TAAR2: variants seen among roughly 807,000 people sequenced by gnomAD.
TAAR2 encodes trace amine-associated receptor 2.
In TAAR2, 30 loss-of-function variants were observed where a neutral mutation model predicts 25.5. The observed-to-expected ratio is 1.18, with a 90% CI of 0.88 to 1.60. The LOEUF is 1.60. Ranked by LOEUF, TAAR2 falls within the 40% of genes most tolerant of loss-of-function variation. The probability of loss-of-function intolerance (pLI) is 0.00; values close to 1 mark genes in which losing one functional copy is unlikely to be tolerated. For missense variants in TAAR2, 481 were observed against 416.5 expected, an observed-to-expected ratio of 1.15 and a Z score of -1.35; for synonymous variants, 150 against 142.4, an observed-to-expected ratio of 1.05 and a Z score of -0.38.
At chr6:132,621,476 T>G (rs1179889223) in intron 1 of TAAR2, among the ~76,000 whole-genome samples, 3 of 152,070 alleles carry the variant, frequency 2.0e-5, no homozygotes, top group Non-Finnish European at 4.4e-5. Flanking sequence ...CCACGTGTAC[T>G]CTTGTTAAGC....
In TAAR2 at chr6:132,617,957, G is replaced by T. The variant is rs1777322062; in HGVS notation, c.249C>A (p.Leu83=). 1 of 1,614,034 alleles carries T rather than the reference G, an allele frequency of 6.2e-7. No individual in the cohort carries two copies. Among genetic ancestry groups the T allele is most frequent in the Non-Finnish European group, 8.5e-7 (1 of 1,179,964 alleles). The change falls in exon 2 of 2, where the codon CTC becomes CTA. Residue 83 remains leucine, a synonymous_variant. Coordinates refer to ENST00000367931, the MANE Select transcript of TAAR2 (RefSeq NM_001033080.1). ...GGAGGAAATCAGTGATGGCCATGGA[G>T]AGGATGAGGAAGTTGGTTGGTGTGT... ...QLHTPTNFLI[L]SMAITDFLLG...
At chr6:132,622,565 A>C (rs1185495900) in intron 1 of TAAR2, among the ~76,000 whole-genome samples, 1 of 139,132 alleles carries the variant, frequency 7.2e-6, no homozygotes, top group African/African-American at 2.7e-5. Context: ...GGCTCACTGC[A>C]ACCTCCATTT....
rs1200184978 is a variant in TAAR2 at position 132,617,292 on chromosome 6, T to C, written c.914A>G (p.Tyr305Cys). The stretch of plus-strand genomic sequence containing the variant: ...TAACGGATTACATGTGGAGTTAAAA[T>C]AGCCAAACCATGTCAAGGCATCAAA... The part of the protein sequence containing the change: ...VLFDALTWFG[Y>C]FNSTCNPLIY... The change falls in exon 2 of 2, where the codon TAT becomes TGT. Residue 305 changes from tyrosine to cysteine, a missense_variant. Physicochemically the swap from Tyr to Cys is radical, Grantham distance 194. Coordinates refer to ENST00000367931, the MANE Select transcript of TAAR2 (RefSeq NM_001033080.1). 3 of 1,613,634 alleles carry C rather than the reference T, an allele frequency of 1.9e-6. No individual in the cohort carries two copies. Among genetic ancestry groups the C allele is most frequent in the African/African-American group, 2.7e-5 (2 of 74,902 alleles).
intron 1 of TAAR2, 76 bp from the exon 2 acceptor site, chr6:132,618,221 A>G (rs546680094): frequency 2.2e-6 from 3 of 1,352,488 alleles, no homozygotes; most frequent in African/African-American, 1.5e-5. Context: ...TCATAGAAAA[A>G]CTCAAGAAAG....
Position 132,617,315 on chromosome 6 carries a change from A to G in TAAR2, c.891T>C (p.Phe297=), listed in dbSNP as rs746354069. 6.2e-7 allele frequency: 1 copy of G among 1,613,780 alleles called. No homozygotes were observed. The highest frequency in any genetic ancestry group is 8.5e-7 in the Non-Finnish European group (1 of 1,179,894). Residue 297 remains phenylalanine (F), a synonymous_variant, in exon 2 of 2, where the codon TTT becomes TTC. Transcript: ENST00000367931. Reference sequence around the variant, plus strand: ...AATAGCCAAACCATGTCAAGGCATCAAACAAAACTACAGGAGTAGAGAAGT... The same window carrying G: ...AATAGCCAAACCATGTCAAGGCATCGAACAAAACTACAGGAGTAGAGAAGT... ...FLNFSTPVVL[F]DALTWFGYFN... is the part of the protein sequence containing the mutation.
Sources: gnomAD v4.1 joint callset for allele counts (sites outside exome capture counted in the v4.1 genomes callset) on GRCh38, gnomAD v4.1.1 for gene constraint, MANE v1.5 for transcripts, NCBI Gene and HGNC (gene_info 2026-07-23, HGNC 2026-07-21) for gene names.